ANKRD26: variants seen among roughly 807,000 people sequenced by gnomAD.
ANKRD26 encodes the protein ankyrin repeat domain 26, also known as ankyrin repeat domain-containing protein 26.
A neutral mutation model predicts 208.7 loss-of-function variants in ANKRD26; 141 were observed. The ratio of observed to expected loss-of-function variants is 0.68; its 90% confidence interval spans 0.59 to 0.78. The LOEUF (loss-of-function observed/expected upper bound fraction) is 0.78. ANKRD26 is among the 30% of genes least tolerant of loss of function. The probability of loss-of-function intolerance (pLI) is 0.00; values close to 1 mark genes in which losing one functional copy is unlikely to be tolerated. For synonymous variants in ANKRD26, 636 were observed against 660.4 expected, an observed-to-expected ratio of 0.96 and a Z score of 0.57; for missense variants, 1,889 against 1,938.7, an observed-to-expected ratio of 0.97 and a Z score of 0.48.
chr10:26,950,556 C>T, the ANKRD26 span, among the ~76,000 whole-genome samples: 3 of 152,258 alleles, frequency 2.0e-5, no homozygotes, highest in Non-Finnish European at 4.4e-5. Flanking sequence ...TGAGTGAGTT[C>T]TCAGGAGATC....
intron 5 of ANKRD26, among the ~76,000 whole-genome samples, chr10:26,994,340 C>T (rs1273395774): frequency 6.6e-6 from 1 of 152,176 alleles, no homozygotes; most frequent in Admixed American, 6.5e-5. Flanking sequence ...ATGACAGTTT[C>T]CAATAATATT....
At chr10:27,048,237 G>C (rs1272675449) in intron 17 of ANKRD26, among the ~76,000 whole-genome samples, 1 of 152,086 alleles carries the variant, frequency 6.6e-6, no homozygotes, top group African/African-American at 2.4e-5. Context: ...ATTAATTTGA[G>C]AGCCCAACAT....
intron 25 of ANKRD26, 42 bp from the exon 26 acceptor site, chr10:27,029,398 A>G: frequency 6.4e-7 from 1 of 1,568,832 alleles, no homozygotes; most frequent in Non-Finnish European, 8.7e-7. Flanking sequence ...CTAATAATCT[A>G]GTACACATCT....
At chr10:27,098,230 C>T (rs930385285) in intron 1 of ANKRD26, among the ~76,000 whole-genome samples, 13 of 150,856 alleles carry the variant, frequency 8.6e-5, no homozygotes, top group Non-Finnish European at 1.8e-4. Context: ...AGGCTAGTTT[C>T]GAACTCCTGG....
chr10:27,091,747 G>C (rs1475161638), intron 4 of ANKRD26, among the ~76,000 whole-genome samples: 1 of 152,176 alleles, frequency 6.6e-6, no homozygotes, highest in Non-Finnish European at 1.5e-5. Flanking sequence ...CCAGTACTTT[G>C]GAAGGCCAAG....
chr10:27,003,956 T>C (rs531537366), downstream of ANKRD26, among the ~76,000 whole-genome samples: 5 of 152,314 alleles, frequency 3.3e-5, no homozygotes, highest in South Asian at 2.1e-4. Context: ...TTGGAGACAA[T>C]TGGCAAAATC....
intron 7 of ANKRD26, among the ~76,000 whole-genome samples, chr10:27,078,269 T>C (rs1405796505): frequency 6.6e-6 from 1 of 152,204 alleles, no homozygotes; most frequent in East Asian, 1.9e-4. Context: ...AAATAATCCT[T>C]GTGGGGCAAT....
At chr10:26,960,437 A>C in the ANKRD26 span, among the ~76,000 whole-genome samples, 2 of 152,134 alleles carry the variant, frequency 1.3e-5, no homozygotes, top group African/African-American at 2.4e-5. Flanking sequence ...GGCTCATAAG[A>C]AGCATCTTGG....
chr10:27,013,061 G>A lies in ANKRD26; in HGVS notation c.4774C>T (p.Gln1592Ter). The A allele has an allele frequency of 6.2e-7, 1 of 1,614,032 alleles. No individual in the cohort carries two copies. The highest frequency in any genetic ancestry group is 8.5e-7 in the Non-Finnish European group (1 of 1,179,956). Residue 1592 changes from glutamine to a stop codon, truncating the protein, a stop_gained, in exon 32 of 34, where the codon CAG becomes TAG. Transcript: ENST00000376087. LOFTEE classifies it high-confidence loss of function. Reference protein sequence around the residue: ...EVNTKLLVEKQQSRSLFTTLT... With the variant: ...EVNTKLLVEK ...GTGGTGAACAAAGATCTGCTCTGCT[G>A]TTTTTCCACAAGAAGTTTGGTGTTG...
chr10:27,071,159 A>T (rs199703443), intron 9 of ANKRD26, among the ~76,000 whole-genome samples: 1,270 of 85,820 alleles, frequency 0.015, 19 homozygotes, highest in African/African-American at 0.028. Flanking sequence ...TGCTACATTC[A>T]TTTTTTTTTT....
Position 27,053,339 on chromosome 10 carries a change from C to T in ANKRD26, c.1616G>A (p.Ser539Asn), listed in dbSNP as rs1448601828. ...TAATACCTGTGGCTGGTTATTTTCA[C>T]TCCCTTCCCTTTCTTGCTCTTCTTC... The part of the protein sequence containing the change: ...ASEEEQEREG[S>N]ENNQPQVEEE... The change falls in exon 16 of 34, where the codon AGT becomes AAT. Residue 539 changes from serine to asparagine, a missense_variant. Ser to Asn is a conservative substitution (Grantham distance 46). Around this residue, in one of 3 missense-constraint regions of ANKRD26, gnomAD observed 1,272 missense variants for 1,273.8 expected, o/e 1.00. Coordinates refer to ENST00000376087, the MANE Select transcript of ANKRD26 (RefSeq NM_014915.3). 7 of 1,609,928 alleles carry T rather than the reference C, an allele frequency of 4.3e-6. No homozygotes were observed. Among genetic ancestry groups the T allele is most frequent in the Non-Finnish European group, 4.2e-6 (5 of 1,178,054 alleles).
chr10:26,972,094 G>A (rs1199359631), downstream of ANKRD26, among the ~76,000 whole-genome samples: 5 of 152,014 alleles, frequency 3.3e-5, no homozygotes, highest in Admixed American at 6.6e-5. Flanking sequence ...AATTAGCCAG[G>A]CGTGGTGGCG....
chr10:27,037,411 T>TA, intron 22 of ANKRD26, 88 bp from the exon 23 acceptor site: 1 of 1,420,458 alleles, frequency 7.0e-7, no homozygotes, highest in Non-Finnish European at 9.8e-7. Flanking sequence ...AAAAAACTTA[T>TA]AAAAAGGAAA....
At chr10:26,961,420 G>A in the ANKRD26 span, among the ~76,000 whole-genome samples, 16 of 152,182 alleles carry the variant, frequency 1.1e-4, no homozygotes, top group African/African-American at 1.7e-4. Flanking sequence ...ATAGAGCAAA[G>A]TGAGATATAA....
intron 12 of ANKRD26, among the ~76,000 whole-genome samples, 156 bp downstream of exon 12, chr10:27,063,832 C>A (rs190074941): frequency 1.3e-3 from 204 of 152,228 alleles, no homozygotes; most frequent in African/African-American, 4.6e-3. Context: ...CTGTTGCTGA[C>A]ACCTAAGATA....
In ANKRD26 at chr10:27,100,224, A is replaced by T. The variant is rs201509428; in HGVS notation, c.103T>A (p.Tyr35Asn). ...GGGGEPGEGA[Y>N]SQPGYHVRDR... ...CGGACGTGGTAGCCGGGCTGCGAGT[A>T]GGCGCCCTCCCCCGGCTCGCCCCCG... Residue 35 changes from tyrosine to asparagine, a missense_variant, in exon 1 of 34, where the codon TAC becomes AAC. This residue lies in a region of ANKRD26 where 1,272 missense variants were observed against 1,273.8 expected (regional missense o/e 1.00). Transcript: ENST00000376087. 2 of 1,612,936 alleles carry T rather than the reference A, an allele frequency of 1.2e-6. No individual in the cohort carries two copies. Among genetic ancestry groups the T allele is most frequent in the South Asian group, 1.1e-5 (1 of 91,076 alleles).
chr10:27,100,473 A>C lies in ANKRD26; in HGVS notation c.-147T>G. 2.4e-6 allele frequency: 3 copies of C among 1,230,064 alleles called. No individual in the cohort carries two copies. Among genetic ancestry groups the C allele is most frequent in the Non-Finnish European group, 3.3e-6 (3 of 903,016 alleles). 76.2% of individuals were successfully genotyped at this position (1,230,064 alleles called of 1,614,324 possible). ...TCCAATCTCTCCCTCCGGGTTACCAAGCAAGCGATCCCGCTAGACACAAGT... is the reference window on the plus strand; with the variant it reads ...TCCAATCTCTCCCTCCGGGTTACCACGCAAGCGATCCCGCTAGACACAAGT... On this transcript the variant is annotated 5_prime_UTR_variant, in exon 1 of 34. Coordinates refer to ENST00000376087, the MANE Select transcript of ANKRD26 (RefSeq NM_014915.3).
At chr10:27,034,645 G>T in intron 24 of ANKRD26, 151 bp downstream of exon 24, 1 of 539,450 alleles carries the variant, frequency 1.9e-6, no homozygotes, top group Non-Finnish European at 3.1e-6. Context: ...GCATCTCTCA[G>T]CTCTTTTATT....
At position 27,040,103 on chromosome 10, in the gene ANKRD26, C is replaced by T; in HGVS notation, c.2237G>A (p.Cys746Tyr). The change falls in exon 21 of 34, where the codon TGT becomes TAT. Residue 746 changes from cysteine to tyrosine, a missense_variant. Cys to Tyr is a radical substitution (Grantham distance 194). Transcript: ENST00000376087. Reference protein sequence around the residue: ...ERLLELKKNHCELLTVKIKKM... With the variant: ...ERLLELKKNHYELLTVKIKKM... ...TTTAATTTTTACTGTAAGTAGTTCACAGTGATTTTTTTTAAGTTCTAATAA... is the reference window on the plus strand; with the variant it reads ...TTTAATTTTTACTGTAAGTAGTTCATAGTGATTTTTTTTAAGTTCTAATAA... The T allele has an allele frequency of 6.2e-7, 1 of 1,612,896 alleles. No individual in the cohort carries two copies. The highest frequency in any genetic ancestry group is 1.1e-5 in the South Asian group (1 of 91,050).
Sources: gnomAD v4.1 joint callset for allele counts (sites outside exome capture counted in the v4.1 genomes callset) on GRCh38, gnomAD v4.1.1 for gene constraint, gnomAD v4.1.1 regional missense constraint, MANE v1.5 for transcripts, NCBI Gene and HGNC (gene_info 2026-07-23, HGNC 2026-07-21) for gene names.